FBXL13: variants seen among roughly 807,000 people sequenced by gnomAD.
FBXL13 encodes the protein F-box and leucine rich repeat protein 13.
Under a neutral mutation model 83.6 loss-of-function variants are expected in FBXL13, and 67 were observed. The observed-to-expected ratio is 0.80, with a 90% CI of 0.66 to 0.98. The LOEUF is 0.98. Ranked by LOEUF, FBXL13 falls within the 50% of genes least tolerant of loss-of-function variation. The pLI, the probability that FBXL13 is intolerant of heterozygous loss-of-function variation, is 0.00. For missense variants in FBXL13, 822 were observed against 866.5 expected (o/e 0.95, Z 0.64); for synonymous variants, 272 against 299.5 (o/e 0.91, Z 0.95).
chr7:102,922,532 G>A (rs538624100), intron 10 of FBXL13, among the ~76,000 whole-genome samples: 1 of 152,218 alleles, frequency 6.6e-6, no homozygotes, highest in African/African-American at 2.4e-5. Context: ...GGATATAAAG[G>A]ATGTGTAGCA....
At chr7:102,914,274 T>C (rs1815376794) in intron 10 of FBXL13, among the ~76,000 whole-genome samples, 1 of 152,226 alleles carries the variant, frequency 6.6e-6, no homozygotes, top group African/African-American at 2.4e-5. Flanking sequence ...GGTTTCACCA[T>C]GTTGGCCAGG....
chr7:102,924,040 G>C (rs1457406116), intron 10 of FBXL13, among the ~76,000 whole-genome samples: 2 of 151,936 alleles, frequency 1.3e-5, no homozygotes, highest in African/African-American at 4.8e-5. Flanking sequence ...AGGAGTTTGA[G>C]GCCAGCCCGA....
chr7:102,921,151 C>T (rs1163579875), intron 10 of FBXL13, among the ~76,000 whole-genome samples: 1 of 151,912 alleles, frequency 6.6e-6, no homozygotes. Flanking sequence ...GACTCCGTCT[C>T]AAAACAAAGC....
intron 10 of FBXL13, among the ~76,000 whole-genome samples, chr7:102,917,518 G>A (rs536316897): frequency 6.6e-6 from 1 of 152,260 alleles, no homozygotes; most frequent in African/African-American, 2.4e-5. Context: ...GGTAGATGGC[G>A]AGACTTAAGG....
chr7:102,934,273 TGA>T (rs1217009118), intron 8 of FBXL13: 1 of 1,614,056 alleles, frequency 6.2e-7, no homozygotes, highest in Non-Finnish European at 8.5e-7. Context: ...TCTCTAAAAT[TGA>T]GAGTGAGGCG....
chr7:102,865,603 G>A (rs756347978), intron 16 of FBXL13, among the ~76,000 whole-genome samples: 5 of 151,856 alleles, frequency 3.3e-5, no homozygotes, highest in South Asian at 2.1e-4. Context: ...GTGCAATGGC[G>A]TGATCTCAGT....
intron 17 of FBXL13, among the ~76,000 whole-genome samples, chr7:102,849,132 C>T (rs543096824): frequency 3.3e-5 from 5 of 152,210 alleles, no homozygotes; most frequent in South Asian, 2.1e-4. Context: ...CATACTTTGC[C>T]GTCTGTTATT....
intron 6 of FBXL13, among the ~76,000 whole-genome samples, chr7:103,024,833 G>GTATATATA (rs1232363692): frequency 3.0e-4 from 29 of 95,964 alleles, no homozygotes; most frequent in African/African-American, 1.2e-3. Context: ...ATATATATGT[G>GTATATATA]TATATATATA....
chr7:103,040,870 A>G (rs936142318), intron 2 of FBXL13, among the ~76,000 whole-genome samples: 6 of 152,200 alleles, frequency 3.9e-5, no homozygotes, highest in Admixed American at 6.5e-5. Context: ...CCCACAAGAG[A>G]AAGCAGGAAA....
At chr7:102,812,464 C>T (rs1797483689), downstream of FBXL13, among the ~76,000 whole-genome samples, 1 of 151,962 alleles carries the variant, frequency 6.6e-6, no homozygotes, top group Non-Finnish European at 1.5e-5. Flanking sequence ...TTTAATTTGC[C>T]CCTGACTAAG....
intron 18 of FBXL13, among the ~76,000 whole-genome samples, chr7:102,826,462 G>A (rs1488442006): frequency 6.6e-6 from 1 of 151,742 alleles, no homozygotes; most frequent in Non-Finnish European, 1.5e-5. Flanking sequence ...TAAGCTGAGC[G>A]TGGTGGCTCA....
chr7:103,008,825 T>C (rs918182241), intron 6 of FBXL13, among the ~76,000 whole-genome samples: 1 of 152,224 alleles, frequency 6.6e-6, no homozygotes, highest in African/African-American at 2.4e-5. Flanking sequence ...CCCAAAGTGC[T>C]GGGATTACAG....
At chr7:102,813,336 T>C in exon 20 of FBXL13, 1 of 1,597,324 alleles carries the variant, frequency 6.3e-7, no homozygotes, top group Non-Finnish European at 8.5e-7. Context: ...TGCTTGAGGC[T>C]GAAGGTCACG....
chr7:102,880,522 T>G (rs142493723), intron 14 of FBXL13, among the ~76,000 whole-genome samples: 1 of 152,232 alleles, frequency 6.6e-6, no homozygotes, highest in African/African-American at 2.4e-5. Flanking sequence ...ATTGTTTTAT[T>G]ATGTTTGGTT....
intron 11 of FBXL13, among the ~76,000 whole-genome samples, chr7:102,885,978 A>G (rs891911096): frequency 2.6e-5 from 4 of 152,126 alleles, no homozygotes; most frequent in African/African-American, 4.8e-5. Flanking sequence ...CCATTGTTCT[A>G]TATGTCTATC....
At chr7:103,034,462 G>T (rs932390004) in intron 2 of FBXL13, among the ~76,000 whole-genome samples, 1 of 152,224 alleles carries the variant, frequency 6.6e-6, no homozygotes, top group Non-Finnish European at 1.5e-5. Context: ...GCCCCTCACT[G>T]CCCGGGGCCA....
At chr7:102,900,194 T>C (rs1182972050) in intron 11 of FBXL13, among the ~76,000 whole-genome samples, 3 of 152,228 alleles carry the variant, frequency 2.0e-5, no homozygotes, top group African/African-American at 7.2e-5. Context: ...CATAATATCA[T>C]ATAAATACAT....
intron 10 of FBXL13, among the ~76,000 whole-genome samples, chr7:102,914,897 A>G (rs901693668): frequency 1.3e-5 from 2 of 152,188 alleles, no homozygotes; most frequent in Admixed American, 1.3e-4. Flanking sequence ...AACTGAGTAC[A>G]ATTTTCTTGG....
intron 16 of FBXL13, among the ~76,000 whole-genome samples, chr7:102,867,384 A>C (rs181124910): frequency 0.028 from 4,241 of 152,072 alleles, 87 homozygotes; most frequent in Non-Finnish European, 0.037. Context: ...AACAAACAAA[A>C]AAAAAGAAGA....
Sources: gnomAD v4.1 joint callset for allele counts (sites outside exome capture counted in the v4.1 genomes callset) on GRCh38, gnomAD v4.1.1 for gene constraint, MANE v1.5 for transcripts, NCBI Gene and HGNC (gene_info 2026-07-23, HGNC 2026-07-21) for gene names.